Variants in ANKS1B observed in about 807,000 individuals in gnomAD.
ANKS1B encodes ankyrin repeat and sterile alpha motif domain containing 1B.
Under a neutral mutation model 148.3 loss-of-function variants are expected in ANKS1B, and 36 were observed. The ratio of observed to expected loss-of-function variants is 0.24; its 90% CI spans 0.19 to 0.32. The LOEUF is 0.32. Among genes scored for constraint, ANKS1B ranks in the 10% least tolerant of loss-of-function variants. ANKS1B has a pLI of 1.00. For missense variants in ANKS1B, 1,157 were observed against 1,542.6 expected (o/e 0.75, Z 4.19); for synonymous variants, 542 against 560.8 (o/e 0.97, Z 0.47).
chr12:99,100,612 C>A (rs1014984780), intron 15 of ANKS1B, among the ~76,000 whole-genome samples: 2 of 152,230 alleles, frequency 1.3e-5, no homozygotes, highest in African/African-American at 2.4e-5. Context: ...TCATTGCAAC[C>A]TCCACCCTCC....
intron 22 of ANKS1B, among the ~76,000 whole-genome samples, chr12:98,783,139 T>C (rs2098753615): frequency 6.6e-6 from 1 of 152,268 alleles, no homozygotes; most frequent in Non-Finnish European, 1.5e-5. Flanking sequence ...CTATCTGTAA[T>C]GCAAAGCAAT....
At chr12:99,899,664 T>C (rs943925075) in intron 1 of ANKS1B, among the ~76,000 whole-genome samples, 7 of 152,140 alleles carry the variant, frequency 4.6e-5, no homozygotes, top group African/African-American at 1.2e-4. Context: ...TTGCAGAAGA[T>C]TGCCCTGTCC....
chr12:99,059,423 T>G (rs2041574646), intron 16 of ANKS1B, among the ~76,000 whole-genome samples: 1 of 152,218 alleles, frequency 6.6e-6, no homozygotes, highest in Non-Finnish European at 1.5e-5. Context: ...ATTTGTATTT[T>G]GTACTCCATG....
At chr12:99,275,352 C>T (rs1291022699) in intron 12 of ANKS1B, among the ~76,000 whole-genome samples, 3 of 152,096 alleles carry the variant, frequency 2.0e-5, no homozygotes, top group Non-Finnish European at 1.5e-5. Context: ...ACTATCCTTC[C>T]CAGCCTCTGA....
At chr12:98,775,900 T>A (rs117966050) in intron 24 of ANKS1B, among the ~76,000 whole-genome samples, 4 of 152,218 alleles carry the variant, frequency 2.6e-5, no homozygotes, top group African/African-American at 9.6e-5. Flanking sequence ...GTCTAAGCTA[T>A]AAGGAAAGCT....
chr12:98,741,315 G>A (rs2097797563), downstream of ANKS1B, among the ~76,000 whole-genome samples: 1 of 152,170 alleles, frequency 6.6e-6, no homozygotes, highest in Non-Finnish European at 1.5e-5. Context: ...GGTTGCTGAA[G>A]CTTTGTGGAA....
At chr12:99,568,615 A>C (rs992626468) in intron 9 of ANKS1B, among the ~76,000 whole-genome samples, 1 of 152,228 alleles carries the variant, frequency 6.6e-6, no homozygotes, top group African/African-American at 2.4e-5. Context: ...TTTATCTGAA[A>C]TATATTTCTA....
At chr12:99,967,907 C>CAAAAA in intron 1 of ANKS1B, among the ~76,000 whole-genome samples, 1 of 106,878 alleles carries the variant, frequency 9.4e-6, no homozygotes, top group Non-Finnish European at 1.9e-5. Context: ...AACTCCGTCT[C>CAAAAA]AAAAAAAAAA....
intron 17 of ANKS1B, among the ~76,000 whole-genome samples, chr12:98,862,411 A>C (rs2099603780): frequency 6.6e-6 from 1 of 152,204 alleles, no homozygotes; most frequent in African/African-American, 2.4e-5. Flanking sequence ...ATCTATGCAA[A>C]GTACTTACAC....
At chr12:98,928,610 T>G (rs1274732673) in intron 17 of ANKS1B, among the ~76,000 whole-genome samples, 2 of 152,032 alleles carry the variant, frequency 1.3e-5, no homozygotes, top group Non-Finnish European at 2.9e-5. Flanking sequence ...ATCCTGGGAA[T>G]GCAAGATGTA....
At chr12:99,596,528 G>A (rs760226398) in intron 9 of ANKS1B, among the ~76,000 whole-genome samples, 2 of 151,846 alleles carry the variant, frequency 1.3e-5, no homozygotes, top group African/African-American at 4.8e-5. Context: ...TTGAGGTTAT[G>A]ATGAACATGA....
chr12:99,005,258 A>T (rs867694275), intron 17 of ANKS1B, among the ~76,000 whole-genome samples: 3 of 152,190 alleles, frequency 2.0e-5, no homozygotes, highest in Non-Finnish European at 4.4e-5. Context: ...CTGGGACTGC[A>T]GTGCGCTAGG....
Position 98,855,031 on chromosome 12 carries a change from C to T in ANKS1B, c.2779-22895G>A, listed in dbSNP as rs190231049. ...AAAATTAGCCGGGCGCGGTGGCGGG[C>T]GCCTGTAGTCCTAGCTACTCGGGAG... On this transcript the variant is annotated intron_variant, in intron 17 of 26. Transcript: ENST00000683438. Among the ~76,000 whole-genome samples, 1,198 of 151,944 alleles carry T rather than the reference C, an allele frequency of 7.9e-3. 13 individuals are homozygous for T. Among genetic ancestry groups the T allele is most frequent in the African/African-American group, 0.027 (1,111 of 41,448 alleles).
intron 22 of ANKS1B, 93 bp downstream of exon 22, chr12:98,798,841 G>A: frequency 9.5e-7 from 1 of 1,048,632 alleles, no homozygotes; most frequent in Non-Finnish European, 1.4e-6. Flanking sequence ...ACCAACAGAT[G>A]GAGAAAATAG....
At chr12:99,955,492 C>CAAAAAAAAAAAAAAAAAAAAAAAAAAAA (rs61654867) in intron 1 of ANKS1B, among the ~76,000 whole-genome samples, 1 of 38,064 alleles carries the variant, frequency 2.6e-5, no homozygotes, top group African/African-American at 9.4e-5. Flanking sequence ...AACTCCGTCT[C>CAAAAAAAAAAAAAAAAAAAAAAAAAAAA]AAAAAAAAAA....
chr12:98,927,237 T>G (rs1304820913), intron 17 of ANKS1B, among the ~76,000 whole-genome samples: 1 of 152,022 alleles, frequency 6.6e-6, no homozygotes, highest in African/African-American at 2.4e-5. Flanking sequence ...TGCCAAGAAT[T>G]TTACATCCAG....
intron 1 of ANKS1B, among the ~76,000 whole-genome samples, chr12:99,922,039 T>C (rs957041030): frequency 1.3e-5 from 2 of 152,096 alleles, no homozygotes; most frequent in Admixed American, 6.6e-5. Context: ...TGTGTGACCT[T>C]GAGAAAATCC....
At position 99,605,309 on chromosome 12, in the gene ANKS1B, T is replaced by C. The variant is rs140071197; in HGVS notation, c.1272+49758A>G. Among the ~76,000 whole-genome samples, 1,318 of 152,204 alleles carry C rather than the reference T, an allele frequency of 8.7e-3. 30 individuals are homozygous for C. The highest frequency in any genetic ancestry group is 0.03 in the African/African-American group (1,259 of 41,546). On this transcript the variant is annotated intron_variant, in intron 9 of 26. Coordinates refer to ENST00000683438, the MANE Select transcript of ANKS1B (RefSeq NM_001352186.2). The stretch of plus-strand genomic sequence containing the variant: ...AATTAGCATATACATTATCCTCAGA[T>C]ACTTATCATTTGTTTGCAGTGAAAA...
At chr12:99,746,516 A>T (rs2060609581) in intron 8 of ANKS1B, among the ~76,000 whole-genome samples, 2 of 152,058 alleles carry the variant, frequency 1.3e-5, no homozygotes, top group Admixed American at 1.3e-4. Flanking sequence ...ATTACCCTGA[A>T]TTTTTTCTAC....
Sources: gnomAD v4.1 joint callset for allele counts (sites outside exome capture counted in the v4.1 genomes callset) on GRCh38, gnomAD v4.1.1 for gene constraint, MANE v1.5 for transcripts, NCBI Gene and HGNC (gene_info 2026-07-23, HGNC 2026-07-21) for gene names.